The following DPP10 variants were observed in gnomAD, a reference collection of about 807,000 sequenced individuals.
The protein encoded by DPP10 is dipeptidyl peptidase like 10, also known as inactive dipeptidyl peptidase 10.
A neutral mutation model predicts 120.9 loss-of-function variants in DPP10; 33 were observed. The observed-to-expected ratio is 0.27, with a 90% CI of 0.21 to 0.37. The LOEUF is 0.37. Ranked by LOEUF, DPP10 falls within the 10% of genes least tolerant of loss-of-function variation. DPP10 has a pLI of 1.00. For synonymous variants in DPP10, 337 were observed against 326.1 expected, an observed-to-expected ratio of 1.03 and a Z score of -0.36; for missense variants, 816 against 942.8, an observed-to-expected ratio of 0.87 and a Z score of 1.76.
At chr2:115,268,837 C>G (rs562633702) in intron 1 of DPP10, among the ~76,000 whole-genome samples, 18 of 152,202 alleles carry the variant, frequency 1.2e-4, no homozygotes, top group African/African-American at 3.9e-4. Context: ...TTTAAGAAGT[C>G]TTTTTTATCC....
Position 114,970,834 on chromosome 2 carries a change from A to G in DPP10, c.61-338405A>G, listed in dbSNP as rs116150903. Among the ~76,000 whole-genome samples, 1,446 of 152,258 alleles carry G rather than the reference A, an allele frequency of 9.5e-3. 24 individuals are homozygous for G. Among genetic ancestry groups the G allele is most frequent in the African/African-American group, 0.033 (1,379 of 41,548 alleles). On this transcript the variant is annotated intron_variant, in intron 1 of 25. Transcript: ENST00000410059. ...AGTGATTCAACACTTTAAGACAGGC[A>G]AGTAATGGATGACTGAGTTAAACAC...
intron 1 of DPP10, among the ~76,000 whole-genome samples, chr2:114,784,620 T>C (rs1213008707): frequency 3.3e-5 from 5 of 152,126 alleles, no homozygotes; most frequent in African/African-American, 1.2e-4. Context: ...ATTGGTCAAG[T>C]CTTTTCCCCC....
intron 3 of DPP10, among the ~76,000 whole-genome samples, chr2:115,485,442 G>T (rs560540991): frequency 6.6e-6 from 1 of 151,572 alleles, no homozygotes; most frequent in Non-Finnish European, 1.5e-5. Flanking sequence ...TTTTATATTC[G>T]TGCCCTTCAT....
chr2:115,732,535 G>A (rs989353513), intron 8 of DPP10, among the ~76,000 whole-genome samples: 3 of 152,046 alleles, frequency 2.0e-5, no homozygotes, highest in South Asian at 2.1e-4. Flanking sequence ...CACAAAACAC[G>A]TATAATGTTA....
intron 1 of DPP10, among the ~76,000 whole-genome samples, chr2:115,263,635 G>C (rs2059342848): frequency 6.6e-6 from 1 of 152,090 alleles, no homozygotes; most frequent in Non-Finnish European, 1.5e-5. Flanking sequence ...ATTTAAACAT[G>C]ATAGCTAGGT....
intron 4 of DPP10, among the ~76,000 whole-genome samples, chr2:115,507,083 G>A (rs2076989300): frequency 6.6e-6 from 1 of 151,428 alleles, no homozygotes; most frequent in Non-Finnish European, 1.5e-5. Flanking sequence ...CAAGCAAGCA[G>A]CACCTATTAT....
chr2:115,192,263 G>A (rs1179778263), intron 1 of DPP10, among the ~76,000 whole-genome samples: 1 of 152,192 alleles, frequency 6.6e-6, no homozygotes. Flanking sequence ...AATGAGTAAG[G>A]TGGTCTACTA....
chr2:115,173,950 G>A (rs2053535018), intron 1 of DPP10, among the ~76,000 whole-genome samples: 1 of 152,222 alleles, frequency 6.6e-6, no homozygotes, highest in Non-Finnish European at 1.5e-5. Flanking sequence ...AGAGTTGGTA[G>A]AAGGAGCCTC....
chr2:115,189,825 G>A (rs937854411), intron 1 of DPP10, among the ~76,000 whole-genome samples: 2 of 152,046 alleles, frequency 1.3e-5, no homozygotes, highest in African/African-American at 4.8e-5. Context: ...TCTACGCTGC[G>A]AGAGAAGTAA....
chr2:115,470,552 G>A (rs543052086), intron 3 of DPP10, among the ~76,000 whole-genome samples: 1 of 151,968 alleles, frequency 6.6e-6, no homozygotes, highest in African/African-American at 2.4e-5. Context: ...TTCAGACTAG[G>A]AGAAAAAAAA....
intron 1 of DPP10, among the ~76,000 whole-genome samples, chr2:115,109,380 C>CA (rs1430781482): frequency 2.6e-5 from 4 of 151,778 alleles, no homozygotes; most frequent in Non-Finnish European, 5.9e-5. Flanking sequence ...TACTAAAATA[C>CA]AAAAAATTAG....
intron 3 of DPP10, among the ~76,000 whole-genome samples, chr2:115,382,598 C>T (rs1041634966): frequency 6.6e-6 from 1 of 151,976 alleles, no homozygotes; most frequent in Non-Finnish European, 1.5e-5. Flanking sequence ...CCAGTGCTAT[C>T]TCTGTGTCTA....
intron 1 of DPP10, among the ~76,000 whole-genome samples, chr2:114,642,442 A>G (rs1438215000): frequency 6.6e-6 from 1 of 151,938 alleles, no homozygotes; most frequent in African/African-American, 2.4e-5. Flanking sequence ...ATGAGTTGAC[A>G]AAATTAAACA....
Position 114,855,594 on chromosome 2 carries a change from G to A in DPP10, c.60+412756G>A, listed in dbSNP as rs191496861. Among the ~76,000 whole-genome samples, 153 of 152,198 alleles carry A rather than the reference G, an allele frequency of 1.0e-3. 2 individuals are homozygous for A. Among genetic ancestry groups the A allele is most frequent in the Admixed American group, 9.8e-3 (149 of 15,280 alleles). ...ATGACAACATTAAATGTGTGTGTGCGTTCTTCACATACAGCCTAAGTTGTT... is the reference window on the plus strand; with the variant it reads ...ATGACAACATTAAATGTGTGTGTGCATTCTTCACATACAGCCTAAGTTGTT... On this transcript the variant is annotated intron_variant, in intron 1 of 25. Transcript: ENST00000410059.
chr2:114,688,453 C>G (rs1699512638), intron 1 of DPP10, among the ~76,000 whole-genome samples: 1 of 151,902 alleles, frequency 6.6e-6, no homozygotes, highest in African/African-American at 2.4e-5. Flanking sequence ...GTGGAAGAGG[C>G]TGTGCATTCA....
At chr2:115,448,551 G>C (rs542718328) in intron 3 of DPP10, among the ~76,000 whole-genome samples, 20 of 152,104 alleles carry the variant, frequency 1.3e-4, no homozygotes, top group Non-Finnish European at 2.9e-4. Context: ...TCCAATGTTT[G>C]TAAAACTTGC....
At chr2:114,484,842 A>G (rs546650042) in intron 1 of DPP10, among the ~76,000 whole-genome samples, 111 of 152,268 alleles carry the variant, frequency 7.3e-4, no homozygotes, top group African/African-American at 2.3e-3. Context: ...TAACAATTCA[A>G]ATGTCTTCAG....
chr2:114,885,274 T>G (rs1210612974), intron 1 of DPP10, among the ~76,000 whole-genome samples: 1 of 150,468 alleles, frequency 6.6e-6, no homozygotes, highest in Non-Finnish European at 1.5e-5. Flanking sequence ...GGACAGAGAG[T>G]GTGGAGGCGC....
intron 5 of DPP10, among the ~76,000 whole-genome samples, chr2:115,599,833 G>C (rs1359827046): frequency 6.9e-6 from 1 of 145,900 alleles, no homozygotes; most frequent in Non-Finnish European, 1.5e-5. Flanking sequence ...CACACATATA[G>C]TGCATTGTAG....
Sources: gnomAD v4.1 joint callset for allele counts (sites outside exome capture counted in the v4.1 genomes callset) on GRCh38, gnomAD v4.1.1 for gene constraint, MANE v1.5 for transcripts, NCBI Gene and HGNC (gene_info 2026-07-23, HGNC 2026-07-21) for gene names.